OXR1: variants seen among roughly 807,000 people sequenced by gnomAD.
OXR1 encodes the protein oxidation resistance protein 1.
OXR1 carries 41 observed loss-of-function variants against 104.6 expected under a neutral mutation model. That is an observed-to-expected ratio of 0.39 (90% CI 0.31 to 0.51). The LOEUF is 0.51. Ranked by LOEUF, OXR1 falls within the 20% of genes least tolerant of loss-of-function variation. OXR1 has a pLI of 0.77. For missense variants in OXR1, 955 were observed against 1,031.9 expected (o/e 0.93, Z 1.02); for synonymous variants, 348 against 348.4 (o/e 1.00, Z 0.01).
Position 106,706,768 on chromosome 8 carries a change from A to G in OXR1, c.1247A>G (p.Asn416Ser), listed in dbSNP as rs765656133. Reference protein sequence around the residue: ...GTLCHKTDLNNLEMAIKEDQI... With the variant: ...GTLCHKTDLNSLEMAIKEDQI... ...TTATGTCATAAAACTGATTTAAATAATCTTGAAATGGCCATTAAGGAAGAT... is the reference window on the plus strand; with the variant it reads ...TTATGTCATAAAACTGATTTAAATAGTCTTGAAATGGCCATTAAGGAAGAT... The change falls in exon 9 of 17, where the codon AAT becomes AGT. Residue 416 changes from asparagine (N) to serine (S), a missense_variant. Asn to Ser is a conservative substitution (Grantham distance 46). Around this residue, in one of 2 missense-constraint regions of OXR1, gnomAD observed 849 missense variants for 852.9 expected, o/e 1.00. Coordinates refer to ENST00000517566, the MANE Select transcript of OXR1 (RefSeq NM_001198533.2). The G allele has an allele frequency of 5.6e-6, 9 of 1,612,600 alleles. No homozygotes were observed. The highest frequency in any genetic ancestry group is 1.7e-5 in the Admixed American group (1 of 59,608).
At chr8:106,317,487 C>T (rs1355924065) in intron 1 of OXR1, among the ~76,000 whole-genome samples, 1 of 152,126 alleles carries the variant, frequency 6.6e-6, no homozygotes, top group Non-Finnish European at 1.5e-5. Context: ...GGTATGAGCC[C>T]ATTACTTTGT....
intron 2 of OXR1, among the ~76,000 whole-genome samples, chr8:106,514,615 G>A (rs146771109): frequency 2.3e-4 from 35 of 152,050 alleles, no homozygotes; most frequent in African/African-American, 7.7e-4. Flanking sequence ...CTCATTCTAC[G>A]GAGAATATAA....
chr8:106,608,039 T>A (rs1238340358), intron 3 of OXR1, among the ~76,000 whole-genome samples: 3 of 152,184 alleles, frequency 2.0e-5, no homozygotes, highest in Non-Finnish European at 4.4e-5. Context: ...CTCAGCACTT[T>A]GGGAGGCCAA....
intron 2 of OXR1, among the ~76,000 whole-genome samples, chr8:106,492,474 T>C (rs1287516491): frequency 6.6e-6 from 1 of 152,224 alleles, no homozygotes; most frequent in African/African-American, 2.4e-5. Context: ...TCAGTTACAG[T>C]TGCCCTTAAA....
At chr8:106,402,101 G>A (rs1335870383) in intron 2 of OXR1, among the ~76,000 whole-genome samples, 1 of 152,156 alleles carries the variant, frequency 6.6e-6, no homozygotes, top group Admixed American at 6.6e-5. Context: ...ATTTCCTCAA[G>A]CAACAAAATC....
At chr8:106,600,678 T>C (rs1395300933) in intron 3 of OXR1, among the ~76,000 whole-genome samples, 1 of 152,230 alleles carries the variant, frequency 6.6e-6, no homozygotes, top group African/African-American at 2.4e-5. Context: ...CTTTGTTTCA[T>C]GGAAGATATA....
chr8:106,678,648 T>G (rs947520048), intron 3 of OXR1, among the ~76,000 whole-genome samples: 5 of 151,978 alleles, frequency 3.3e-5, no homozygotes, highest in Non-Finnish European at 7.4e-5. Flanking sequence ...TATTAATAAT[T>G]GGCATTCAAT....
chr8:106,484,393 A>G lies in OXR1; in HGVS notation c.24-34550A>G, dbSNP rs1462637971. On this transcript the variant is annotated intron_variant, in intron 2 of 16. Transcript: ENST00000517566. ...CATTACACATTGTATATGTGTACCA[A>G]AATATCACATGCGCTCCATAAACAT... Among the ~76,000 whole-genome samples, 3 of 152,116 alleles carry G rather than the reference A, an allele frequency of 2.0e-5. No individual in the cohort carries two copies. The East Asian group carries it at 5.8e-4, about 29-fold the overall frequency.
At chr8:106,581,080 GAT>G (rs1431645490) in intron 3 of OXR1, 2 of 1,202,550 alleles carry the variant, frequency 1.7e-6, no homozygotes, top group Non-Finnish European at 1.0e-6. Context: ...GTCTGCTAAA[GAT>G]GGAGGAAAAA....
intron 12 of OXR1, among the ~76,000 whole-genome samples, chr8:106,737,970 T>C (rs186768036): frequency 1.3e-5 from 2 of 152,300 alleles, no homozygotes; most frequent in East Asian, 3.9e-4. Flanking sequence ...ATAAAAAATT[T>C]AATAGCAAGG....
intron 1 of OXR1, among the ~76,000 whole-genome samples, chr8:106,326,502 A>T (rs1376978872): frequency 7.2e-5 from 11 of 152,228 alleles, no homozygotes; most frequent in Non-Finnish European, 1.6e-4. Flanking sequence ...GAATAAAGTA[A>T]CCAGTTGATT....
In OXR1 at chr8:106,404,704, T is replaced by A. The variant is rs866375670; in HGVS notation, c.23+45068T>A. On this transcript the variant is annotated intron_variant, in intron 2 of 16. Transcript: ENST00000517566. Reference sequence around the variant, plus strand: ...AAGGTATTATATGCAGTCGCTCAGCTCCTTGCTTATTTTTTTTTTGAGACA... The same window carrying A: ...AAGGTATTATATGCAGTCGCTCAGCACCTTGCTTATTTTTTTTTTGAGACA... Among the ~76,000 whole-genome samples the A allele has an allele frequency of 5.3e-5, 8 of 151,556 alleles. No homozygotes were observed. In the South Asian group the frequency reaches 1.7e-3, roughly 32 times the overall value.
chr8:106,433,798 C>T (rs1166999308), intron 2 of OXR1, among the ~76,000 whole-genome samples: 1 of 152,124 alleles, frequency 6.6e-6, no homozygotes, highest in African/African-American at 2.4e-5. Context: ...TTCACTATTG[C>T]TAGATTGTAG....
At chr8:106,475,821 T>C (rs1243530324) in intron 2 of OXR1, among the ~76,000 whole-genome samples, 1 of 151,988 alleles carries the variant, frequency 6.6e-6, no homozygotes, top group Non-Finnish European at 1.5e-5. Flanking sequence ...TTAATTCCTG[T>C]CTTGTGGTAT....
chr8:106,693,251 A>G (rs907243879), intron 7 of OXR1, among the ~76,000 whole-genome samples: 14 of 152,098 alleles, frequency 9.2e-5, no homozygotes, highest in Non-Finnish European at 1.9e-4. Flanking sequence ...TACCTTCTAT[A>G]TGCCAGAGAG....
Position 106,679,286 on chromosome 8 carries a change from G to T in OXR1, c.297G>T (p.Glu99Asp), listed in dbSNP as rs748651567. Residue 99 changes from glutamate (E) to aspartate (D), a missense_variant, in exon 4 of 17, where the codon GAG becomes GAT. Physicochemically the swap from Glu to Asp is conservative, Grantham distance 45. This residue lies in a region of OXR1 where 849 missense variants were observed against 852.9 expected (regional missense o/e 1.00). Coordinates refer to ENST00000517566, the MANE Select transcript of OXR1 (RefSeq NM_001198533.2). ...MSFQKPKGTI[E>D]YTVESRDSLN... is the part of the protein sequence containing the mutation. ...TTCAGAAACCTAAAGGGACTATTGA[G>T]TATACTGTAAGTTATTTGCTTTCGA... The T allele has an allele frequency of 3.9e-6, 6 of 1,552,180 alleles. No individual in the cohort carries two copies. Among genetic ancestry groups the T allele is most frequent in the Non-Finnish European group, 5.3e-6 (6 of 1,130,248 alleles).
chr8:106,516,508 C>T (rs1812870404), intron 2 of OXR1, among the ~76,000 whole-genome samples: 2 of 152,032 alleles, frequency 1.3e-5, no homozygotes, highest in African/African-American at 2.4e-5. Context: ...CATTTCAGCT[C>T]ATGAGAAGTA....
At chr8:106,463,740 G>T (rs560803972) in intron 2 of OXR1, among the ~76,000 whole-genome samples, 1 of 152,214 alleles carries the variant, frequency 6.6e-6, no homozygotes, top group African/African-American at 2.4e-5. Context: ...GAGCCTATCC[G>T]TGAAGTAGGG....
chr8:106,689,084 A>C (rs529097614), intron 6 of OXR1, among the ~76,000 whole-genome samples: 1 of 152,256 alleles, frequency 6.6e-6, no homozygotes, highest in East Asian at 1.9e-4. Flanking sequence ...AAAGGGTGAC[A>C]AATTGGGTGG....
Sources: gnomAD v4.1 joint callset for allele counts (sites outside exome capture counted in the v4.1 genomes callset) on GRCh38, gnomAD v4.1.1 for gene constraint, gnomAD v4.1.1 regional missense constraint, MANE v1.5 for transcripts, NCBI Gene and HGNC (gene_info 2026-07-23, HGNC 2026-07-21) for gene names.